Variants in SHE observed in about 807,000 individuals in gnomAD.
SHE encodes the protein Src homology 2 domain containing E, also known as SH2 domain-containing adapter protein E.
SHE carries 11 observed loss-of-function variants against 49.8 expected under a neutral mutation model. That is an observed-to-expected ratio of 0.22 (90% CI 0.14 to 0.37). The LOEUF is 0.37. Among genes scored for constraint, SHE ranks in the 10% least tolerant of loss-of-function variants. The pLI is 1.00. For missense variants in SHE, 624 were observed against 655.5 expected, an observed-to-expected ratio of 0.95 and a Z score of 0.52; for synonymous variants, 310 against 278.1, an observed-to-expected ratio of 1.11 and a Z score of -1.14.
chr1:154,496,729 T>C (rs2149298264), intron 2 of SHE, among the ~76,000 whole-genome samples: 1 of 151,396 alleles, frequency 6.6e-6, no homozygotes, highest in South Asian at 2.1e-4. Context: ...CCCTAGCTTA[T>C]AGAGCTCTTG....
intron 1 of SHE, among the ~76,000 whole-genome samples, chr1:154,500,481 G>C (rs1557804188): frequency 6.6e-6 from 1 of 152,196 alleles, no homozygotes; most frequent in African/African-American, 2.4e-5. Context: ...ATGGGCTCTT[G>C]ACTTCAACCA....
chr1:154,499,962 T>C (rs1313228590), intron 1 of SHE, among the ~76,000 whole-genome samples: 1 of 152,164 alleles, frequency 6.6e-6, no homozygotes, highest in African/African-American at 2.4e-5. Context: ...TGTGACAACA[T>C]GGGTGACAAC....
In SHE at chr1:154,495,390, T is replaced by TAA. The variant is rs553134968; in HGVS notation, c.718+3721_718+3722insTT. Among the ~76,000 whole-genome samples the TAA allele has an allele frequency of 1.6e-3, 245 of 152,374 alleles. 2 individuals carry two copies. Among genetic ancestry groups the TAA allele is most frequent in the African/African-American group, 5.6e-3 (232 of 41,588 alleles). ...ATATTGCCTTGTATTCAGTCATATC[T>TAA]TTTTATGAACAATCCTTTGGATAAA... On this transcript the variant is annotated intron_variant, in intron 2 of 5. Coordinates refer to ENST00000304760, the MANE Select transcript of SHE (RefSeq NM_001010846.3).
chr1:154,477,149 G>A (rs2149287611), downstream of SHE, among the ~76,000 whole-genome samples: 1 of 152,318 alleles, frequency 6.6e-6, no homozygotes, highest in East Asian at 1.9e-4. Flanking sequence ...GCCAGACCCA[G>A]CAGAGGATTG....
rs1692809145 is a variant in SHE at position 154,502,192 on chromosome 1, G to T, written c.-166C>A. On this transcript the variant is annotated 5_prime_UTR_variant, in exon 1 of 6. Transcript: ENST00000304760. Reference sequence around the variant, plus strand: ...TCCGGACACGGCAGGCGACAGGCACGACGCGCGGGGGGCCCCGCCCGGGCT... The same window carrying T: ...TCCGGACACGGCAGGCGACAGGCACTACGCGCGGGGGGCCCCGCCCGGGCT... 1.7e-5 allele frequency: 7 copies of T among 404,880 alleles called. No individual in the cohort carries two copies. Among genetic ancestry groups the T allele is most frequent in the Admixed American group, 5.2e-5 (1 of 19,166 alleles). 25.1% of individuals were successfully genotyped at this position (404,880 alleles called of 1,614,324 possible). A position where few individuals can be genotyped will look rare whatever the true frequency, so the allele number is the denominator to read the frequency against.
chr1:154,499,535 G>T, intron 1 of SHE, among the ~76,000 whole-genome samples: 1 of 152,066 alleles, frequency 6.6e-6, no homozygotes, highest in Non-Finnish European at 1.5e-5. Context: ...GGTGGCAGGG[G>T]TGGATGTGGG....
rs1014915685 is a variant in SHE at position 154,483,722 on chromosome 1, T to C, written c.*427A>G. 3 of 994,452 alleles carry C rather than the reference T, an allele frequency of 3.0e-6. No individual in the cohort carries two copies. The highest frequency in any genetic ancestry group is 5.8e-5 in the Admixed American group (1 of 17,376). 61.6% of individuals were successfully genotyped at this position (994,452 alleles called of 1,614,324 possible). On this transcript the variant is annotated 3_prime_UTR_variant, in exon 6 of 6. Transcript: ENST00000304760. ...AGACCAAAGACTTGGCCGGGTGCAG[T>C]GGCTCATGCCTGTAATCCAGGCACT... is the stretch of plus-strand genomic sequence containing the variant.
Position 154,502,055 on chromosome 1 carries a change from G to C in SHE, c.-29C>G. ...CCGTGACTGGGGCGCTGGAGGCCGC[G>C]GCGAGGCCCCGCGACGGCTGCTCCG... is the stretch of plus-strand genomic sequence containing the variant. On this transcript the variant is annotated 5_prime_UTR_variant, in exon 1 of 6. Transcript: ENST00000304760. The C allele has an allele frequency of 7.9e-7, 1 of 1,264,194 alleles. No individual in the cohort carries two copies. Among genetic ancestry groups the C allele is most frequent in the Non-Finnish European group, 9.9e-7 (1 of 1,007,862 alleles). 78.3% of individuals were successfully genotyped at this position (1,264,194 alleles called of 1,614,324 possible). A position where few individuals can be genotyped will look rare whatever the true frequency, so the allele number is the denominator to read the frequency against.
At chr1:154,497,352 T>TC (rs1251426177) in intron 2 of SHE, among the ~76,000 whole-genome samples, 1 of 152,194 alleles carries the variant, frequency 6.6e-6, no homozygotes, top group Non-Finnish European at 1.5e-5. Context: ...CAGTTACTCT[T>TC]CCCAGGCATG....
chr1:154,473,348 G>A (rs1317136488), intron 1 of SHE, among the ~76,000 whole-genome samples: 3 of 151,944 alleles, frequency 2.0e-5, no homozygotes, highest in Non-Finnish European at 4.4e-5. Context: ...GGTGGTGCAT[G>A]CCTGTAGTCC....
Position 154,502,294 on chromosome 1 carries a change from T to G in SHE, c.-268A>C. 2.1e-5 allele frequency: 4 copies of G among 191,728 alleles called. No individual in the cohort carries two copies. Among genetic ancestry groups the G allele is most frequent in the Non-Finnish European group, 4.2e-5 (4 of 94,578 alleles). 11.9% of individuals were successfully genotyped at this position (191,728 alleles called of 1,614,324 possible). On this transcript the variant is annotated 5_prime_UTR_variant, in exon 1 of 6. Transcript: ENST00000304760. ...GGCGCCGGGGGCTTCCCCCTGCTCT[T>G]TCCTCCTGCGGTGGGAGAGGCCAGG...
rs757631860 is a variant in SHE at position 154,501,509 on chromosome 1, G to A, written c.518C>T (p.Ser173Phe). 2.5e-6 allele frequency: 4 copies of A among 1,614,212 alleles called. No homozygotes were observed. Among genetic ancestry groups the A allele is most frequent in the Non-Finnish European group, 3.4e-6 (4 of 1,180,032 alleles). Residue 173 changes from serine (S) to phenylalanine (F), a missense_variant, in exon 1 of 6, where the codon TCC (serine) becomes TTC (phenylalanine). Physicochemically the swap from Ser to Phe is radical, Grantham distance 155. This residue lies in a region of SHE where 337 missense variants were observed against 306.0 expected (regional missense o/e 1.10). Transcript: ENST00000304760. The part of the protein sequence containing the change: ...SSSSSSSSSS[S>F]SASSSPSSLG... ...GGAGGAAGGGGAAGAGGACGCGGAG[G>A]AAGAGGAGCTGGAGCTGGAGCTACT...
chr1:154,493,046 C>A (rs934971272), intron 2 of SHE, among the ~76,000 whole-genome samples: 2 of 152,196 alleles, frequency 1.3e-5, no homozygotes, highest in Non-Finnish European at 2.9e-5. Context: ...ATCTTGAGTT[C>A]TTATTACACA....
Position 154,501,671 on chromosome 1 carries a change from C to T in SHE, c.356G>A (p.Gly119Asp). ...CTCCGTGGCCCGGGAGTTTTTGCGG[C>T]CCTTGCCCGCGGCGGCCTGAATCAG... ...QGLIQAAAGKGRKNSRATEEE... is the reference protein window; with the variant it reads ...QGLIQAAAGKDRKNSRATEEE... The change falls in exon 1 of 6, where the codon GGC becomes GAC. Residue 119 changes from glycine to aspartate, a missense_variant. Physicochemically the swap from Gly to Asp is moderately conservative, Grantham distance 94. Coordinates refer to ENST00000304760, the MANE Select transcript of SHE (RefSeq NM_001010846.3). 6.2e-7 allele frequency: 1 copy of T among 1,613,740 alleles called. No individual in the cohort carries two copies. The highest frequency in any genetic ancestry group is 1.1e-5 in the South Asian group (1 of 91,052).
At chr1:154,471,124 G>A (rs906497432) in intron 1 of SHE, among the ~76,000 whole-genome samples, 2 of 152,166 alleles carry the variant, frequency 1.3e-5, no homozygotes, top group Admixed American at 6.5e-5. Flanking sequence ...TGGTGAGCCC[G>A]CGGGCCACAG....
chr1:154,485,117 G>A (rs1359048634), intron 5 of SHE: 1 of 152,010 alleles, frequency 6.6e-6, no homozygotes, highest in Admixed American at 6.6e-5. Flanking sequence ...CTCGCATCTG[G>A]AAAGACCATT....
chr1:154,478,428 C>CAAAAAAAAAAAA (rs10594379), downstream of SHE, among the ~76,000 whole-genome samples: 1 of 113,420 alleles, frequency 8.8e-6, no homozygotes, highest in African/African-American at 3.8e-5. Context: ...ATAAAAAGTG[C>CAAAAAAAAAAAA]AAAAAAAAAA....
In SHE at chr1:154,484,106, C is replaced by G. The variant is rs767970749; in HGVS notation, c.*43G>C. ...AGATGCTGGTTGTGCGCTGATGATG[C>G]CCTTGAAGGTGCCAGAGGCCCAGGG... is the stretch of plus-strand genomic sequence containing the variant. On this transcript the variant is annotated 3_prime_UTR_variant, in exon 6 of 6. Coordinates refer to ENST00000304760, the MANE Select transcript of SHE (RefSeq NM_001010846.3). 1.2e-5 allele frequency: 19 copies of G among 1,590,534 alleles called. No individual in the cohort carries two copies. The highest frequency in any genetic ancestry group is 1.6e-5 in the Non-Finnish European group (19 of 1,164,388).
exon 2 of SHE, chr1:154,470,085 C>T (rs1447706706): frequency 3.0e-6 from 1 of 338,070 alleles, no homozygotes. Flanking sequence ...CCCACCTGGG[C>T]AGTCAGAGGA....
Sources: allele counts gnomAD v4.1 joint callset (sites outside exome capture counted in the v4.1 genomes callset), GRCh38; gene constraint gnomAD v4.1.1; regional missense constraint gnomAD v4.1.1; transcripts MANE v1.5; gene names NCBI Gene and HGNC (gene_info 2026-07-23, HGNC 2026-07-21).